Variants in LINGO2 observed in about 807,000 individuals in gnomAD.
LINGO2 encodes the protein leucine-rich repeat and immunoglobulin-like domain-containing nogo receptor-interacting protein 2.
In LINGO2, 14 loss-of-function variants were observed where a neutral mutation model predicts 30.6. That is an observed-to-expected ratio of 0.46 (90% CI 0.30 to 0.72). The LOEUF (loss-of-function observed/expected upper bound fraction) is 0.72. Among genes scored for constraint, LINGO2 ranks in the 30% least tolerant of loss-of-function variants. The pLI is 0.07. For synonymous variants in LINGO2, 317 were observed against 288.5 expected, an observed-to-expected ratio of 1.10 and a Z score of -1.00; for missense variants, 729 against 751.7, an observed-to-expected ratio of 0.97 and a Z score of 0.35.
chr9:27,949,082 A>T, exon 6 of LINGO2: 1 of 1,614,160 alleles, frequency 6.2e-7, no homozygotes, highest in Non-Finnish European at 8.5e-7. Flanking sequence ...AAGTATTGGC[A>T]TTGGTGCCAT....
intron 1 of LINGO2, among the ~76,000 whole-genome samples, chr9:28,626,977 A>G (rs1826710550): frequency 6.6e-6 from 1 of 151,726 alleles, no homozygotes; most frequent in Non-Finnish European, 1.5e-5. Context: ...TAGCTGATGC[A>G]TTTCTCCTGG....
chr9:28,867,824 T>C, the LINGO2 span, among the ~76,000 whole-genome samples: 6 of 152,078 alleles, frequency 3.9e-5, no homozygotes, highest in African/African-American at 1.2e-4. Flanking sequence ...ACATTACCTA[T>C]AGTGTTTGTG....
the LINGO2 span, among the ~76,000 whole-genome samples, chr9:29,181,149 A>G: frequency 6.6e-6 from 1 of 152,204 alleles, no homozygotes. Context: ...AATTACAAAG[A>G]GTGGATTCAA....
chr9:28,985,725 C>T, the LINGO2 span, among the ~76,000 whole-genome samples: 18,272 of 151,930 alleles, frequency 0.12, 1,073 homozygotes, highest in South Asian at 0.15. Context: ...TATTTTCTCG[C>T]TATTGAATTG....
chr9:28,706,535 C>G, the LINGO2 span, among the ~76,000 whole-genome samples: 7 of 152,118 alleles, frequency 4.6e-5, no homozygotes, highest in African/African-American at 1.4e-4. Context: ...TTTCAAGATG[C>G]ATTTTTGCCA....
the LINGO2 span, chr9:27,942,543 T>C: frequency 1.3e-5 from 2 of 152,272 alleles, no homozygotes; most frequent in South Asian, 4.1e-4. Flanking sequence ...GCTAAAGAGA[T>C]GCAAACCTAA....
chr9:28,639,905 C>A (rs1371341031), intron 1 of LINGO2, among the ~76,000 whole-genome samples: 1 of 152,258 alleles, frequency 6.6e-6, no homozygotes, highest in South Asian at 2.1e-4. Context: ...GATGCAGTTT[C>A]TTCCTAGCCT....
the LINGO2 span, among the ~76,000 whole-genome samples, chr9:29,099,149 C>T: frequency 4.6e-5 from 7 of 152,106 alleles, no homozygotes; most frequent in African/African-American, 1.4e-4. Context: ...TTTCTTCAAT[C>T]GATAGTGCTG....
chr9:29,113,852 C>T, the LINGO2 span, among the ~76,000 whole-genome samples: 1 of 152,004 alleles, frequency 6.6e-6, no homozygotes, highest in Non-Finnish European at 1.5e-5. Flanking sequence ...GGTGATAAAA[C>T]ATTTTTTGAG....
chr9:28,864,516 A>G, the LINGO2 span, among the ~76,000 whole-genome samples: 1 of 152,198 alleles, frequency 6.6e-6, no homozygotes, highest in Non-Finnish European at 1.5e-5. Context: ...AATTAATGAA[A>G]AGAATCTATA....
chr9:28,814,465 T>C, the LINGO2 span, among the ~76,000 whole-genome samples: 1 of 152,140 alleles, frequency 6.6e-6, no homozygotes, highest in African/African-American at 2.4e-5. Flanking sequence ...ATAAGACTTC[T>C]GATGCCATGT....
chr9:28,088,137 G>C (rs2133248866), intron 4 of LINGO2, among the ~76,000 whole-genome samples: 1 of 151,662 alleles, frequency 6.6e-6, no homozygotes, highest in East Asian at 1.9e-4. Context: ...CTATAGTATT[G>C]GGATAACAAT....
the LINGO2 span, among the ~76,000 whole-genome samples, chr9:29,206,187 C>G: frequency 3.9e-5 from 6 of 152,142 alleles, no homozygotes; most frequent in African/African-American, 1.2e-4. Context: ...TTCAAGTTGT[C>G]TATTTCTTCT....
chr9:28,440,502 C>T (rs1338381737), intron 2 of LINGO2, among the ~76,000 whole-genome samples: 1 of 152,152 alleles, frequency 6.6e-6, no homozygotes. Flanking sequence ...TATTAACATA[C>T]TATTGGTCTC....
chr9:28,479,402 A>G (rs958002553), intron 1 of LINGO2, among the ~76,000 whole-genome samples: 1 of 152,004 alleles, frequency 6.6e-6, no homozygotes, highest in Non-Finnish European at 1.5e-5. Context: ...TTAAAGGACA[A>G]TATGCCAAAA....
chr9:28,440,700 A>G (rs180913561), intron 2 of LINGO2, among the ~76,000 whole-genome samples: 187 of 152,336 alleles, frequency 1.2e-3, no homozygotes, highest in Admixed American at 6.4e-3. Context: ...TTCAACTATG[A>G]CTACCCTATG....
the LINGO2 span, among the ~76,000 whole-genome samples, chr9:28,724,615 G>A: frequency 1.3e-5 from 2 of 152,104 alleles, no homozygotes; most frequent in Non-Finnish European, 2.9e-5. Flanking sequence ...ACATGAAAGA[G>A]ATAGGAGCTA....
chr9:28,543,825 T>C (rs1821813680), intron 1 of LINGO2, among the ~76,000 whole-genome samples: 1 of 152,176 alleles, frequency 6.6e-6, no homozygotes, highest in East Asian at 1.9e-4. Context: ...AGGAGGGGGT[T>C]AGAAGGCACC....
chr9:28,027,091 A>C (rs1041886630), intron 4 of LINGO2, among the ~76,000 whole-genome samples: 5 of 152,198 alleles, frequency 3.3e-5, no homozygotes. Context: ...GCATCATAAT[A>C]CATTACTAAA....
Sources: gnomAD v4.1 joint callset for allele counts (sites outside exome capture counted in the v4.1 genomes callset) on GRCh38, gnomAD v4.1.1 for gene constraint, MANE v1.5 for transcripts, NCBI Gene and HGNC (gene_info 2026-07-23, HGNC 2026-07-21) for gene names.